The following ASAP2 variants were observed in gnomAD, a reference collection of about 807,000 sequenced individuals.
The protein encoded by ASAP2 is arf-GAP with SH3 domain, ANK repeat and PH domain-containing protein 2.
A neutral mutation model predicts 131.4 loss-of-function variants in ASAP2; 45 were observed. That is an observed-to-expected ratio of 0.34 (90% CI 0.27 to 0.44). The LOEUF (loss-of-function observed/expected upper bound fraction) is 0.44. Among genes scored for constraint, ASAP2 ranks in the 20% least tolerant of loss-of-function variants. ASAP2 has a pLI of 1.00. For synonymous variants in ASAP2, 510 were observed against 503.0 expected, an observed-to-expected ratio of 1.01 and a Z score of -0.19; for missense variants, 1,011 against 1,297.0, an observed-to-expected ratio of 0.78 and a Z score of 3.39.
At chr2:9,209,579 ATTTATTTG>A (rs1302167793) in intron 1 of ASAP2, among the ~76,000 whole-genome samples, 6 of 152,236 alleles carry the variant, frequency 3.9e-5, no homozygotes, top group African/African-American at 1.4e-4. Flanking sequence ...ATATTTATTT[ATTTATTTG>A]TTACGGAGTT....
intron 3 of ASAP2, among the ~76,000 whole-genome samples, chr2:9,309,481 G>C (rs553075943): frequency 1.1e-3 from 165 of 152,334 alleles, no homozygotes; most frequent in African/African-American, 3.9e-3. Context: ...CAGAGACTTG[G>C]GGGTAAGGAG....
chr2:9,354,641 G>T (rs1320109873), intron 12 of ASAP2, among the ~76,000 whole-genome samples: 1 of 140,470 alleles, frequency 7.1e-6, no homozygotes, highest in Admixed American at 7.1e-5. Flanking sequence ...GTGAGACTCC[G>T]TCTCAAAAAA....
At chr2:9,378,091 C>G (rs1171655868) in intron 18 of ASAP2, among the ~76,000 whole-genome samples, 5 of 152,152 alleles carry the variant, frequency 3.3e-5, no homozygotes, top group African/African-American at 9.7e-5. Flanking sequence ...ACACACCCCC[C>G]GCTCCCCATG....
In ASAP2 at chr2:9,281,626, G is replaced by A. The variant is rs1667133454; in HGVS notation, c.199+2237G>A. 6.6e-6 allele frequency among the ~76,000 whole-genome samples: 1 copy of A among 152,174 alleles called. No homozygotes were observed. The highest frequency in any genetic ancestry group is 2.4e-5 in the African/African-American group (1 of 41,432). ...ATCACCCTCTTTGAAGTTCGTGGAA[G>A]TCAGTTCCAGAGCATGGGAGAGAGA... is the stretch of plus-strand genomic sequence containing the variant. On this transcript the variant is annotated intron_variant, in intron 2 of 27. Coordinates refer to ENST00000281419, the MANE Select transcript of ASAP2 (RefSeq NM_003887.3). The surrounding 1 kb of genome is among the most constrained non-coding windows in gnomAD (Gnocchi z 4.0).
intron 15 of ASAP2, among the ~76,000 whole-genome samples, chr2:9,366,391 G>C (rs992152002): frequency 6.6e-6 from 1 of 152,202 alleles, no homozygotes; most frequent in Admixed American, 6.5e-5. Flanking sequence ...TCATAGAGGG[G>C]GCCACAGTGA....
At chr2:9,388,682 A>G (rs1246577565) in intron 22 of ASAP2, 136 bp downstream of exon 22, 2 of 1,291,172 alleles carry the variant, frequency 1.5e-6, no homozygotes, top group Non-Finnish European at 2.1e-6. Flanking sequence ...TTTGCTTCCT[A>G]AAGGGATTCC....
At chr2:9,229,650 G>T (rs1663015324) in intron 1 of ASAP2, among the ~76,000 whole-genome samples, 1 of 152,232 alleles carries the variant, frequency 6.6e-6, no homozygotes, top group Non-Finnish European at 1.5e-5. Flanking sequence ...AGCCAGGATT[G>T]CCTGCGTTAG....
At chr2:9,265,371 T>C (rs1331045543) in intron 1 of ASAP2, among the ~76,000 whole-genome samples, 1 of 152,242 alleles carries the variant, frequency 6.6e-6, no homozygotes, top group Non-Finnish European at 1.5e-5. Flanking sequence ...ACCGAGGGAC[T>C]ACAGTTTTGA....
chr2:9,397,664 C>T (rs1213357803), intron 24 of ASAP2, among the ~76,000 whole-genome samples: 2 of 144,592 alleles, frequency 1.4e-5, no homozygotes, highest in Non-Finnish European at 3.0e-5. Context: ...TTTTTAGGGC[C>T]ATGAGCTAAG....
chr2:9,214,082 C>T (rs1462418445), intron 1 of ASAP2, among the ~76,000 whole-genome samples: 2 of 152,190 alleles, frequency 1.3e-5, no homozygotes, highest in African/African-American at 4.8e-5. Flanking sequence ...GATGCTATCC[C>T]CATTTCAGCT....
Position 9,356,915 on chromosome 2 carries a change from A to G in ASAP2, c.1327+570A>G, listed in dbSNP as rs139371661. On this transcript the variant is annotated intron_variant, in intron 14 of 27. Transcript: ENST00000281419. ...AGCATATTAGGGGCTTTATAGTAGG[A>G]TGTGATTTAAGGAATTTGCTTATTC... 5.9e-5 allele frequency among the ~76,000 whole-genome samples: 9 copies of G among 152,280 alleles called. No homozygotes were observed. The Middle Eastern group carries it at 0.01, about 173-fold the overall frequency.
intron 7 of ASAP2, among the ~76,000 whole-genome samples, chr2:9,333,460 T>C (rs1670974347): frequency 1.3e-5 from 2 of 152,096 alleles, no homozygotes; most frequent in African/African-American, 4.8e-5. Flanking sequence ...TTGTAGGGGA[T>C]TATGGAAGGC....
chr2:9,360,404 TA>T (rs1673001949), intron 15 of ASAP2, among the ~76,000 whole-genome samples: 1 of 152,166 alleles, frequency 6.6e-6, no homozygotes, highest in South Asian at 2.1e-4. Flanking sequence ...TGGGCCTCTT[TA>T]ATCTGATACC....
chr2:9,373,140 C>T (rs915257674), intron 16 of ASAP2, among the ~76,000 whole-genome samples: 1 of 151,970 alleles, frequency 6.6e-6, no homozygotes. Context: ...TGCCGGGGGA[C>T]GTTGAGGCAC....
At chr2:9,343,558 TGCTTCAGCCTCCC>T (rs1359738964) in intron 9 of ASAP2, among the ~76,000 whole-genome samples, 3 of 152,204 alleles carry the variant, frequency 2.0e-5, no homozygotes, top group African/African-American at 7.2e-5. Flanking sequence ...GCAGTCCTCC[TGCTTCAGCCTCCC>T]GCATACCTGG....
Position 9,269,636 on chromosome 2 carries a change from C to T in ASAP2, c.127-9681C>T, listed in dbSNP as rs538468626. 3.9e-5 allele frequency among the ~76,000 whole-genome samples: 6 copies of T among 152,308 alleles called. No individual in the cohort carries two copies. The East Asian group carries it at 9.7e-4, about 25-fold the overall frequency. ...GTGGTGGCACCGCCCTCAGGCGGTA[C>T]AGTGGGGCCCATGAACGGAGGAAGA... On this transcript the variant is annotated intron_variant, in intron 1 of 27. Coordinates refer to ENST00000281419, the MANE Select transcript of ASAP2 (RefSeq NM_003887.3).
At chr2:9,355,996 G>C in intron 12 of ASAP2, 51 bp from the exon 13 acceptor site, 2 of 1,593,012 alleles carry the variant, frequency 1.3e-6, no homozygotes, top group Admixed American at 3.3e-5. Flanking sequence ...TTTTGGAATT[G>C]TGTATGGATT....
At chr2:9,306,917 G>A (rs1668979711) in intron 3 of ASAP2, among the ~76,000 whole-genome samples, 1 of 151,972 alleles carries the variant, frequency 6.6e-6, no homozygotes, top group Non-Finnish European at 1.5e-5. Flanking sequence ...CACTGGAATC[G>A]CCTGGGGCTT....
At chr2:9,401,176 G>A (rs536573972) in intron 26 of ASAP2, 98 bp from the exon 27 acceptor site, 9 of 1,486,272 alleles carry the variant, frequency 6.1e-6, no homozygotes, top group East Asian at 4.6e-5. Context: ...GCCTAGGTAC[G>A]GGACTCCTGA....
Sources: allele counts gnomAD v4.1 joint callset (sites outside exome capture counted in the v4.1 genomes callset), GRCh38; gene constraint gnomAD v4.1.1; non-coding constraint Gnocchi (gnomAD v3.1); transcripts MANE v1.5; gene names NCBI Gene and HGNC (gene_info 2026-07-23, HGNC 2026-07-21).